The following BCL7A variants were observed in gnomAD, a reference collection of about 807,000 sequenced individuals.
BCL7A encodes the protein B-cell CLL/lymphoma 7 protein family member A.
Under a neutral mutation model 28.4 loss-of-function variants are expected in BCL7A, and 11 were observed. That is an observed-to-expected ratio of 0.39 (90% CI 0.24 to 0.64). The LOEUF is 0.64. BCL7A is among the 30% of genes least tolerant of loss of function. The pLI, the probability that BCL7A is intolerant of heterozygous loss-of-function variation, is 0.50. For synonymous variants in BCL7A, 123 were observed against 103.3 expected (o/e 1.19, Z -1.15); for missense variants, 222 against 274.8 (o/e 0.81, Z 1.36).
chr12:122,032,933 G>T (rs986519937), intron 2 of BCL7A, among the ~76,000 whole-genome samples: 1 of 152,144 alleles, frequency 6.6e-6, no homozygotes, highest in Admixed American at 6.5e-5. Context: ...ATCACCAGCC[G>T]CTGAGTCTCT....
chr12:122,039,357 G>T (rs951710768), intron 3 of BCL7A, among the ~76,000 whole-genome samples: 1 of 148,666 alleles, frequency 6.7e-6, no homozygotes, highest in African/African-American at 2.5e-5. Flanking sequence ...GCAGGTTGTG[G>T]TGATGCGCAC....
At chr12:122,028,346 C>T (rs915519376) in intron 1 of BCL7A, among the ~76,000 whole-genome samples, 4 of 151,960 alleles carry the variant, frequency 2.6e-5, no homozygotes, top group African/African-American at 4.8e-5. Flanking sequence ...GATTTGCGGC[C>T]GCAAAGCCCA....
At chr12:122,023,980 T>C (rs568725717) in intron 1 of BCL7A, among the ~76,000 whole-genome samples, 1 of 152,162 alleles carries the variant, frequency 6.6e-6, no homozygotes. Flanking sequence ...GGTTCCCGGC[T>C]GGACAGAGGC....
At chr12:122,034,425 T>TTAA (rs1490696812) in intron 2 of BCL7A, among the ~76,000 whole-genome samples, 1 of 118,416 alleles carries the variant, frequency 8.4e-6, no homozygotes, top group Non-Finnish European at 1.7e-5. Flanking sequence ...ATTCCTTTCG[T>TTAA]AAAAAAAAAA....
chr12:122,059,024 C>T lies in BCL7A; in HGVS notation c.562-68C>T, dbSNP rs572564789. On this transcript the variant is annotated intron_variant, in intron 5 of 5. Transcript: ENST00000261822. The surrounding 1 kb of genome is among the most constrained non-coding windows in gnomAD (Gnocchi z 4.0). ...GGTTCCTTCCTTGGCTGACCTTCGG[C>T]CTCACGCCTGGCCTAACTTGCTCTC... The T allele has an allele frequency of 8.6e-6, 12 of 1,393,954 alleles. No individual in the cohort carries two copies. The East Asian group carries it at 2.5e-4, about 29-fold the overall frequency. The allele number at this position is 1,393,954 out of a possible 1,614,324, so 86.3% of individuals were successfully genotyped here. A position where few individuals can be genotyped will look rare whatever the true frequency, so the allele number is the denominator to read the frequency against.
chr12:122,031,711 C>T (rs1353393298), intron 2 of BCL7A, among the ~76,000 whole-genome samples: 3 of 152,128 alleles, frequency 2.0e-5, no homozygotes, highest in Admixed American at 2.0e-4. Context: ...GTCCCCGGTG[C>T]TAGGAAAGCC....
chr12:122,024,027 G>C (rs754540177), intron 1 of BCL7A, among the ~76,000 whole-genome samples: 1 of 152,228 alleles, frequency 6.6e-6, no homozygotes, highest in East Asian at 1.9e-4. Flanking sequence ...AGAGCGGCCA[G>C]CTGCTCTGCA....
rs547543984 is a variant in BCL7A, at chr12:122,052,871, G to T, written c.440-1934G>T. Among the ~76,000 whole-genome samples the T allele has an allele frequency of 2.2e-4, 8 of 35,662 alleles. No individual in the cohort carries two copies. In the South Asian group the frequency reaches 5.3e-3, roughly 24 times the overall value. 23.4% of individuals were successfully genotyped at this position (35,662 alleles called of 152,430 possible). A position where few individuals can be genotyped will look rare whatever the true frequency, so the allele number is the denominator to read the frequency against. ...CTTACTTTTGTATTTTTTTAGTCGG[G>T]GGGGGGGGGGGGTTTGCCATGTTGG... On this transcript the variant is annotated intron_variant, in intron 4 of 5. Transcript: ENST00000261822.
At chr12:122,022,594 G>C (rs1593019374) in intron 1 of BCL7A, among the ~76,000 whole-genome samples, 2 of 145,950 alleles carry the variant, frequency 1.4e-5, no homozygotes, top group East Asian at 4.0e-4. Flanking sequence ...GCCGGCGGCG[G>C]CGGGGAGAGC....
At chr12:122,048,233 C>A (rs565293926) in intron 4 of BCL7A, among the ~76,000 whole-genome samples, 1 of 151,208 alleles carries the variant, frequency 6.6e-6, no homozygotes, top group Non-Finnish European at 1.5e-5. Context: ...TTTAAGAAAA[C>A]TGGGAAAGTA....
rs377534222 is a variant in BCL7A, at chr12:122,035,902, G to A, written c.271+475G>A. On this transcript the variant is annotated intron_variant, in intron 3 of 5. Transcript: ENST00000261822. ...GTTGACCAGGCCAGAGTGCGGTGGC[G>A]TGGTCTTGGCTCACTGCAATCTATG... 7.0e-4 allele frequency among the ~76,000 whole-genome samples: 106 copies of A among 152,154 alleles called. 1 individual carries two copies. Among genetic ancestry groups the A allele is most frequent in the African/African-American group, 2.4e-3 (100 of 41,510 alleles).
chr12:122,024,356 G>A (rs1883563386), intron 1 of BCL7A, among the ~76,000 whole-genome samples: 3 of 152,178 alleles, frequency 2.0e-5, no homozygotes, highest in East Asian at 1.9e-4. Context: ...GGACGATTGA[G>A]GTCATGCCTC....
In BCL7A at chr12:122,057,081, G is replaced by A. The variant is rs563008686; in HGVS notation, c.562-2011G>A. 6.6e-5 allele frequency among the ~76,000 whole-genome samples: 10 copies of A among 152,358 alleles called. No homozygotes were observed. In the East Asian group the frequency reaches 1.2e-3, roughly 18 times the overall value. On this transcript the variant is annotated intron_variant, in intron 5 of 5. Coordinates refer to ENST00000261822, the MANE Select transcript of BCL7A (RefSeq NM_001024808.3). ...AGGTCACAGAGTCCCACTAAGTGCCGTGAGAGAGTGAAACAGGGTGACGTG... is the reference window on the plus strand; with the variant it reads ...AGGTCACAGAGTCCCACTAAGTGCCATGAGAGAGTGAAACAGGGTGACGTG...
At chr12:122,025,750 A>G (rs1201011232) in intron 1 of BCL7A, among the ~76,000 whole-genome samples, 1 of 151,648 alleles carries the variant, frequency 6.6e-6, no homozygotes, top group Admixed American at 6.6e-5. Flanking sequence ...GTTGGAAACC[A>G]GCCTGGCCAA....
chr12:122,061,287 CTCTCTGG>C lies in BCL7A; in HGVS notation c.*2125_*2131del, dbSNP rs1211569627. On this transcript the variant is annotated 3_prime_UTR_variant, in exon 6 of 6. Coordinates refer to ENST00000261822, the MANE Select transcript of BCL7A (RefSeq NM_001024808.3). ...AGGTGGCCCTGCCGTTGACCGCAGCCTCTCTGGACAGGCAAGGGGAGTTGGCGCAGGT... is the reference window on the plus strand; with the variant it reads ...AGGTGGCCCTGCCGTTGACCGCAGCCACAGGCAAGGGGAGTTGGCGCAGGT... The C allele has an allele frequency of 1.3e-5, 3 of 231,334 alleles. No homozygotes were observed. The highest frequency in any genetic ancestry group is 1.7e-5 in the Non-Finnish European group (2 of 116,914). 14.3% of individuals were successfully genotyped at this position (231,334 alleles called of 1,614,324 possible).
At chr12:122,045,611 T>C (rs1010590743) in intron 4 of BCL7A, among the ~76,000 whole-genome samples, 1 of 152,046 alleles carries the variant, frequency 6.6e-6, no homozygotes, top group African/African-American at 2.4e-5. Flanking sequence ...GTGTTTATTT[T>C]GAGTCTCTAC....
At chr12:122,042,671 A>G (rs2135851386) in intron 3 of BCL7A, among the ~76,000 whole-genome samples, 1 of 151,812 alleles carries the variant, frequency 6.6e-6, no homozygotes, top group Non-Finnish European at 1.5e-5. Context: ...AAAAAAGTGT[A>G]AAAGTTCAGG....
At chr12:122,051,507 C>T (rs1164530618) in intron 4 of BCL7A, among the ~76,000 whole-genome samples, 1 of 152,226 alleles carries the variant, frequency 6.6e-6, no homozygotes, top group African/African-American at 2.4e-5. Context: ...AGCACCGCAG[C>T]GCCCAGAGAA....
At chr12:122,045,943 G>A (rs1884067603) in intron 4 of BCL7A, among the ~76,000 whole-genome samples, 1 of 151,112 alleles carries the variant, frequency 6.6e-6, no homozygotes, top group Non-Finnish European at 1.5e-5. Flanking sequence ...ATAAAAATGA[G>A]CCCGGCATGG....
Sources: allele counts gnomAD v4.1 joint callset (sites outside exome capture counted in the v4.1 genomes callset), GRCh38; gene constraint gnomAD v4.1.1; non-coding constraint Gnocchi (gnomAD v3.1); transcripts MANE v1.5; gene names NCBI Gene and HGNC (gene_info 2026-07-23, HGNC 2026-07-21).